Variants in DAB1 observed in about 807,000 individuals in gnomAD.
The protein encoded by DAB1 is DAB adaptor protein 1, also known as disabled homolog 1.
Under a neutral mutation model 64.6 loss-of-function variants are expected in DAB1, and 15 were observed. The observed-to-expected ratio is 0.23, with a 90% CI of 0.16 to 0.36. DAB1 has a LOEUF of 0.36. DAB1 is among the 10% of genes least tolerant of loss of function. DAB1 has a pLI of 1.00. For synonymous variants in DAB1, 235 were observed against 251.9 expected (o/e 0.93, Z 0.64); for missense variants, 596 against 706.7 (o/e 0.84, Z 1.78).
chr1:57,414,597 T>C (rs1275417896), intron 1 of DAB1, among the ~76,000 whole-genome samples: 1 of 152,148 alleles, frequency 6.6e-6, no homozygotes, highest in Non-Finnish European at 1.5e-5. Context: ...ACCAGCCGTA[T>C]CTCCCATGGA....
chr1:57,424,112 C>T (rs1685152949), upstream of DAB1: 1 of 150,922 alleles, frequency 6.6e-6, no homozygotes, highest in Admixed American at 6.6e-5. Context: ...AGGAGACCGC[C>T]ACCCGCGCGG....
intron 4 of DAB1, among the ~76,000 whole-genome samples, chr1:57,104,942 G>A (rs1655006165): frequency 6.6e-6 from 1 of 152,154 alleles, no homozygotes; most frequent in African/African-American, 2.4e-5. Flanking sequence ...ACCTGCCTGA[G>A]TAATATCTGC....
intron 5 of DAB1, among the ~76,000 whole-genome samples, chr1:58,034,226 G>A (rs1454823440): frequency 1.3e-5 from 2 of 152,196 alleles, no homozygotes; most frequent in African/African-American, 2.4e-5. Flanking sequence ...CTGCTCCTAC[G>A]AAGAGGTCTT....
chr1:57,936,398 T>G (rs1645025073), intron 5 of DAB1, among the ~76,000 whole-genome samples: 1 of 152,198 alleles, frequency 6.6e-6, no homozygotes. Context: ...TCCATATTAC[T>G]TTTTTTATTT....
intron 3 of DAB1, among the ~76,000 whole-genome samples, chr1:58,479,045 A>G (rs1402415110): frequency 2.6e-5 from 4 of 152,230 alleles, no homozygotes; most frequent in Non-Finnish European, 5.9e-5. Context: ...TCTTTTTCAT[A>G]TACTATAAAG....
At chr1:57,065,126 C>T (rs554247884) in intron 8 of DAB1, among the ~76,000 whole-genome samples, 16 of 152,078 alleles carry the variant, frequency 1.1e-4, no homozygotes, top group East Asian at 9.7e-4. Context: ...TAATTGAAAA[C>T]GCTTTTCTAC....
intron 1 of DAB1, chr1:58,527,354 A>G (rs774059063): frequency 3.5e-6 from 3 of 869,436 alleles, no homozygotes; most frequent in Non-Finnish European, 6.0e-6. Flanking sequence ...AAATGACAGA[A>G]AAGCTCCATT....
chr1:57,343,297 T>C lies in DAB1; in HGVS notation c.-136-52131A>G, dbSNP rs188178105. 4.6e-5 allele frequency among the ~76,000 whole-genome samples: 7 copies of C among 152,214 alleles called. No individual in the cohort carries two copies. In the East Asian group the frequency reaches 1.4e-3, roughly 30 times the overall value. ...GTGTGTTTACAAACCTTGAGCTAGA[T>C]ATAGAGCGCCGATTGGTATATTTAC... is the stretch of plus-strand genomic sequence containing the variant. On this transcript the variant is annotated intron_variant, in intron 1 of 14. Coordinates refer to ENST00000371236, the MANE Select transcript of DAB1 (RefSeq NM_001365792.1).
At chr1:58,178,413 C>T (rs1033049850) in intron 4 of DAB1, among the ~76,000 whole-genome samples, 1 of 152,098 alleles carries the variant, frequency 6.6e-6, no homozygotes, top group South Asian at 2.1e-4. Context: ...TATCTCTGAA[C>T]GTGACCTTAT....
chr1:57,015,092 T>C lies in DAB1; in HGVS notation c.1235A>G (p.Lys412Arg), dbSNP rs1646382334. The stretch of plus-strand genomic sequence containing the variant: ...CATCTGGAAATCCTTAAACGTTTCT[T>C]TGCCCATTTTCTGCCTGGGCTTGTC... ...QTDKPRQKMG[K>R]ETFKDFQMAQ... is the part of the protein sequence containing the mutation. Residue 412 changes from lysine (K) to arginine (R), a missense_variant, in exon 12 of 15, where the codon AAA becomes AGA. By Grantham distance (26) the Lys-to-Arg change is conservative. Coordinates refer to ENST00000371236, the MANE Select transcript of DAB1 (RefSeq NM_001365792.1). 1 of 1,614,080 alleles carries C rather than the reference T, an allele frequency of 6.2e-7. No homozygotes were observed. The highest frequency in any genetic ancestry group is 1.7e-5 in the Admixed American group (1 of 60,004).
intron 5 of DAB1, among the ~76,000 whole-genome samples, chr1:57,998,054 T>C (rs1433719494): frequency 6.6e-6 from 1 of 152,184 alleles, no homozygotes; most frequent in East Asian, 1.9e-4. Context: ...AAGCCCTTCA[T>C]AAACTCCTCA....
chr1:57,985,919 A>G (rs1412142255), intron 5 of DAB1, among the ~76,000 whole-genome samples: 1 of 152,186 alleles, frequency 6.6e-6, no homozygotes, highest in Admixed American at 6.5e-5. Context: ...CTTCCCATCT[A>G]TCAGGATGTT....
At chr1:58,422,102 C>T (rs564579969) in intron 3 of DAB1, among the ~76,000 whole-genome samples, 4 of 151,986 alleles carry the variant, frequency 2.6e-5, no homozygotes, top group South Asian at 2.1e-4. Flanking sequence ...AGAACCAGAA[C>T]GCATTTCATA....
chr1:57,635,325 C>T (rs770412049), intron 7 of DAB1, among the ~76,000 whole-genome samples: 7 of 152,244 alleles, frequency 4.6e-5, no homozygotes, highest in Non-Finnish European at 8.8e-5. Context: ...GGCACTGAGC[C>T]GCATAGTAGG....
chr1:58,039,796 G>C (rs1040609470), intron 5 of DAB1, among the ~76,000 whole-genome samples: 1 of 151,996 alleles, frequency 6.6e-6, no homozygotes, highest in Non-Finnish European at 1.5e-5. Context: ...TCTTTCTACA[G>C]GGATAATAAA....
chr1:58,412,868 A>G (rs976883385), intron 3 of DAB1, among the ~76,000 whole-genome samples: 4 of 152,236 alleles, frequency 2.6e-5, no homozygotes, highest in African/African-American at 7.2e-5. Flanking sequence ...CATCTATAAA[A>G]CAGGGATAAT....
chr1:58,415,120 T>G lies in DAB1; in HGVS notation n.258-71717A>C, dbSNP rs772709336. 2.3e-4 allele frequency among the ~76,000 whole-genome samples: 35 copies of G among 152,100 alleles called. 1 individual carries two copies. Among genetic ancestry groups the G allele is most frequent in the Non-Finnish European group, 8.8e-5 (6 of 68,026 alleles). Reference sequence around the variant, plus strand: ...GGTTGGGCCTTCATAATAGGATTAGTGGCCTTATAGGAAGAGGAAGATCTG... The same window carrying G: ...GGTTGGGCCTTCATAATAGGATTAGGGGCCTTATAGGAAGAGGAAGATCTG... On this transcript the variant is annotated intron_variant and non_coding_transcript_variant, in intron 3 of 20. Transcript: ENST00000485760.
At chr1:58,232,476 TACACACAC>T (rs58863239) in intron 4 of DAB1, among the ~76,000 whole-genome samples, 2,418 of 144,096 alleles carry the variant, frequency 0.017, 61 homozygotes, top group African/African-American at 0.05. Context: ...TCTGAGTGAA[TACACACAC>T]ACACACACAC....
intron 5 of DAB1, among the ~76,000 whole-genome samples, chr1:58,074,940 T>G (rs1041238064): frequency 6.6e-6 from 1 of 152,132 alleles, no homozygotes; most frequent in Non-Finnish European, 1.5e-5. Context: ...CCAGCCTTCA[T>G]GGCTTCAAAG....
Sources: allele counts gnomAD v4.1 joint callset (sites outside exome capture counted in the v4.1 genomes callset), GRCh38; gene constraint gnomAD v4.1.1; transcripts MANE v1.5; gene names NCBI Gene and HGNC (gene_info 2026-07-23, HGNC 2026-07-21).